The following FGF13 variants were observed in gnomAD, a reference collection of about 807,000 sequenced individuals.
FGF13 encodes the protein fibroblast growth factor homologous factor 2.
Under a neutral mutation model 19.5 loss-of-function variants are expected in FGF13, and 2 were observed. The ratio of observed to expected loss-of-function variants is 0.10; its 90% confidence interval spans 0.04 to 0.32. The LOEUF is 0.32. FGF13 is among the 10% of genes least tolerant of loss of function. FGF13 has a pLI of 1.00. For synonymous variants in FGF13, 72 were observed against 76.9 expected (o/e 0.94, Z 0.33); for missense variants, 113 against 192.7 (o/e 0.59, Z 2.45).
chrX:138,636,042 G>C (rs1602638388), intron 3 of FGF13, among the ~76,000 whole-genome samples: 1 of 111,888 alleles, frequency 8.9e-6, no homozygotes, highest in Non-Finnish European at 1.9e-5. Context: ...ATAAACATTC[G>C]GTCCTTGTAC....
intron 1 of FGF13, among the ~76,000 whole-genome samples, chrX:138,919,486 GAAAAATAA>G (rs2091634164): frequency 2.7e-5 from 3 of 111,739 alleles, no homozygotes; most frequent in African/African-American, 9.7e-5. Flanking sequence ...ATTTATCCTA[GAAAAATAA>G]ATAAATTTTG....
intron 1 of FGF13, among the ~76,000 whole-genome samples, chrX:139,027,672 T>G (rs1231108033): frequency 8.9e-6 from 1 of 111,972 alleles, no homozygotes; most frequent in African/African-American, 3.2e-5. Context: ...CAAGTTTTCA[T>G]TCAATACTGA....
At chrX:138,823,027 G>A (rs1236383083) in intron 3 of FGF13, among the ~76,000 whole-genome samples, 1 of 111,531 alleles carries the variant, frequency 9.0e-6, no homozygotes, top group Non-Finnish European at 1.9e-5. Flanking sequence ...ATCATTCGAG[G>A]TGTTATGGAG....
chrX:138,775,342 C>T (rs749923749), intron 3 of FGF13, among the ~76,000 whole-genome samples: 1 of 112,106 alleles, frequency 8.9e-6, no homozygotes, highest in Admixed American at 9.4e-5. Flanking sequence ...GTTTACTCAC[C>T]TACTACTGAT....
intron 2 of FGF13, among the ~76,000 whole-genome samples, chrX:138,705,687 C>T (rs1939460565): frequency 8.9e-6 from 1 of 111,820 alleles, no homozygotes; most frequent in Non-Finnish European, 1.9e-5. Context: ...TCTAAAGGGA[C>T]AGTCTGCCCA....
At chrX:138,655,413 G>T (rs1477389519) in intron 3 of FGF13, among the ~76,000 whole-genome samples, 1 of 112,160 alleles carries the variant, frequency 8.9e-6, no homozygotes, top group Non-Finnish European at 1.9e-5. Flanking sequence ...TATAATGTAG[G>T]AAGCTATCTT....
chrX:138,897,060 G>T, intron 1 of FGF13, among the ~76,000 whole-genome samples: 1 of 111,579 alleles, frequency 9.0e-6, no homozygotes, highest in Non-Finnish European at 1.9e-5. Flanking sequence ...CCTAGGCTGG[G>T]GTGCAGTGGT....
chrX:138,932,674 T>C (rs745893648), intron 1 of FGF13, among the ~76,000 whole-genome samples: 2 of 102,945 alleles, frequency 1.9e-5, no homozygotes, highest in Non-Finnish European at 3.9e-5. Context: ...CAACTGAAAA[T>C]AGAAAGGGGA....
At chrX:138,759,854 T>C (rs2090454558) in intron 3 of FGF13, among the ~76,000 whole-genome samples, 1 of 112,281 alleles carries the variant, frequency 8.9e-6, no homozygotes, top group East Asian at 2.8e-4. Context: ...ATAGGCCTTC[T>C]GTAAATGGCA....
chrX:138,989,704 T>C (rs1327210856), intron 1 of FGF13, among the ~76,000 whole-genome samples: 2 of 109,268 alleles, frequency 1.8e-5, no homozygotes, highest in Non-Finnish European at 3.8e-5. Context: ...AAAATAATTA[T>C]ATAACACGAT....
At chrX:138,768,902 G>A (rs1044909476) in intron 3 of FGF13, among the ~76,000 whole-genome samples, 3 of 108,893 alleles carry the variant, frequency 2.8e-5, no homozygotes, top group African/African-American at 1.0e-4. Flanking sequence ...TCTGAGGGAA[G>A]AGTGGGGAAC....
intron 1 of FGF13, among the ~76,000 whole-genome samples, chrX:139,200,116 A>G (rs1407108222): frequency 3.6e-5 from 4 of 111,971 alleles, no homozygotes; most frequent in Non-Finnish European, 7.5e-5. Context: ...ATGTAAAACC[A>G]TGGGACCATG....
At chrX:138,878,957 G>A (rs1196464666) in intron 1 of FGF13, among the ~76,000 whole-genome samples, 4 of 111,535 alleles carry the variant, frequency 3.6e-5, no homozygotes, top group African/African-American at 1.3e-4. Flanking sequence ...CTTCTTTTGA[G>A]AAGTGTCTGT....
In FGF13 at chrX:139,142,396, G is replaced by A. The variant is rs755784565; in HGVS notation, c.-113+61020C>T. 2.7e-5 allele frequency among the ~76,000 whole-genome samples: 3 copies of A among 111,878 alleles called. No homozygotes were observed. In the South Asian group the frequency reaches 1.1e-3, roughly 42 times the overall value. ...CATCATCACAGACAATAAAAATAGG[G>A]AAGGTGTAAACTTTCAGAGAATAGC... On this transcript the variant is annotated intron_variant, in intron 1 of 2. Coordinates refer to the FGF13 transcript ENST00000421460.
chrX:138,698,418 C>T (rs781379315), intron 3 of FGF13, among the ~76,000 whole-genome samples: 20 of 111,723 alleles, frequency 1.8e-4, no homozygotes, highest in Non-Finnish European at 5.6e-5. Context: ...CATTTTCCAT[C>T]ATCTCAAGAA....
intron 1 of FGF13, among the ~76,000 whole-genome samples, chrX:138,874,062 G>T (rs971707643): frequency 2.9e-5 from 3 of 104,210 alleles, no homozygotes; most frequent in Non-Finnish European, 5.9e-5. Context: ...AAAATGATGA[G>T]TTAATGGGTG....
chrX:138,666,989 G>A (rs1238477455), intron 3 of FGF13, among the ~76,000 whole-genome samples: 2 of 108,903 alleles, frequency 1.8e-5, no homozygotes, highest in Non-Finnish European at 3.8e-5. Context: ...TCATAATAAC[G>A]AGTAAACAGC....
chrX:139,055,406 A>T (rs1375678306), intron 1 of FGF13, among the ~76,000 whole-genome samples: 1 of 112,388 alleles, frequency 8.9e-6, no homozygotes, highest in Non-Finnish European at 1.9e-5. Context: ...CAGAATCTTG[A>T]ATCTACTTGT....
intron 1 of FGF13, among the ~76,000 whole-genome samples, chrX:139,167,133 T>C (rs776223941): frequency 8.9e-6 from 1 of 112,162 alleles, no homozygotes; most frequent in African/African-American, 3.2e-5. Context: ...AATTATTTTA[T>C]ATAAATGAAT....
Sources: allele counts gnomAD v4.1 joint callset (sites outside exome capture counted in the v4.1 genomes callset), GRCh38; gene constraint gnomAD v4.1.1; transcripts MANE v1.5; gene names NCBI Gene and HGNC (gene_info 2026-07-23, HGNC 2026-07-21).